Variants in TENM3 observed in about 807,000 individuals in gnomAD.
TENM3 encodes the protein teneurin-3.
In TENM3, 63 loss-of-function variants were observed where a neutral mutation model predicts 255.1. The ratio of observed to expected loss-of-function variants is 0.25; its 90% CI spans 0.20 to 0.30. TENM3 has a LOEUF of 0.30. TENM3 is among the 10% of genes least tolerant of loss of function. The pLI, the probability that TENM3 is intolerant of heterozygous loss-of-function variation, is 1.00. For missense variants in TENM3, 2,929 were observed against 3,461.1 expected, an observed-to-expected ratio of 0.85 and a Z score of 3.86; for synonymous variants, 1,306 against 1,322.3, an observed-to-expected ratio of 0.99 and a Z score of 0.27.
intron 1 of TENM3, among the ~76,000 whole-genome samples, chr4:182,193,914 G>T (rs1383794532): frequency 2.0e-5 from 3 of 152,158 alleles, no homozygotes; most frequent in East Asian, 3.8e-4. Context: ...TTTCAGAATG[G>T]TTTTCAGAGT....
At chr4:181,627,132 C>G in the TENM3 span, among the ~76,000 whole-genome samples, 2 of 152,170 alleles carry the variant, frequency 1.3e-5, no homozygotes, top group Non-Finnish European at 2.9e-5. Flanking sequence ...CATTCCTAAT[C>G]TTCTAAGGCA....
intron 3 of TENM3, among the ~76,000 whole-genome samples, chr4:182,375,595 G>A (rs1767125048): frequency 6.6e-6 from 1 of 152,124 alleles, no homozygotes; most frequent in Non-Finnish European, 1.5e-5. Context: ...AGGCTGGAGT[G>A]CAGTGGCGCA....
At chr4:181,630,782 T>C in the TENM3 span, among the ~76,000 whole-genome samples, 5 of 152,128 alleles carry the variant, frequency 3.3e-5, no homozygotes, top group Non-Finnish European at 5.9e-5. Flanking sequence ...TTAGAATAAG[T>C]GTGATGTGGT....
chr4:182,392,757 A>G (rs1768526222), intron 3 of TENM3, among the ~76,000 whole-genome samples: 1 of 152,190 alleles, frequency 6.6e-6, no homozygotes, highest in Non-Finnish European at 1.5e-5. Context: ...CGCCACACAA[A>G]TCAAGAGGGA....
At chr4:181,622,436 G>T in the TENM3 span, among the ~76,000 whole-genome samples, 1 of 152,162 alleles carries the variant, frequency 6.6e-6, no homozygotes, top group Non-Finnish European at 1.5e-5. Context: ...AGCACTTTGG[G>T]AGGCTGAGGC....
chr4:182,358,983 G>C (rs974438848), intron 3 of TENM3, among the ~76,000 whole-genome samples: 2 of 151,732 alleles, frequency 1.3e-5, no homozygotes, highest in Non-Finnish European at 2.9e-5. Flanking sequence ...TAATCATGTG[G>C]TTTTTGTCTT....
At chr4:181,813,270 G>C in the TENM3 span, among the ~76,000 whole-genome samples, 1 of 152,138 alleles carries the variant, frequency 6.6e-6, no homozygotes, top group Non-Finnish European at 1.5e-5. Flanking sequence ...GTGGGGAAGA[G>C]AGTGGGAAGC....
intron 22 of TENM3, among the ~76,000 whole-genome samples, chr4:182,770,323 C>A (rs926177766): frequency 1.3e-5 from 2 of 152,214 alleles, no homozygotes; most frequent in African/African-American, 4.8e-5. Context: ...CTCGTTAAAA[C>A]CCCGCTTTCT....
intron 3 of TENM3, among the ~76,000 whole-genome samples, chr4:182,454,558 G>A (rs970349892): frequency 3.9e-5 from 6 of 152,116 alleles, no homozygotes; most frequent in Non-Finnish European, 8.8e-5. Flanking sequence ...CTCGATTTTA[G>A]CAGTGGGAAT....
At chr4:181,978,247 C>A in the TENM3 span, among the ~76,000 whole-genome samples, 2 of 152,198 alleles carry the variant, frequency 1.3e-5, no homozygotes, top group Non-Finnish European at 2.9e-5. Flanking sequence ...AACCGAGGCA[C>A]AGAGAAACCC....
intron 19 of TENM3, 58 bp downstream of exon 19, chr4:182,743,477 A>G (rs2152735319): frequency 1.9e-6 from 3 of 1,579,794 alleles, no homozygotes; most frequent in Non-Finnish European, 2.6e-6. Flanking sequence ...CTTTAAAAAA[A>G]AGGTTGAGTC....
At chr4:181,942,770 GA>G in the TENM3 span, among the ~76,000 whole-genome samples, 67 of 152,134 alleles carry the variant, frequency 4.4e-4, no homozygotes, top group South Asian at 0.011. Flanking sequence ...AGGGAGAATG[GA>G]AAAAAATATT....
chr4:182,583,973 G>A lies in TENM3; in HGVS notation c.512-16951G>A, dbSNP rs943952642. ...AATATATTCAAGACAGTGTGCAAAT[G>A]TGAATGCAACAGATTCCAAATAGAT... On this transcript the variant is annotated intron_variant, in intron 3 of 27. Transcript: ENST00000511685. Among the ~76,000 whole-genome samples, 4 of 152,278 alleles carry A rather than the reference G, an allele frequency of 2.6e-5. No individual in the cohort carries two copies. In the South Asian group the frequency reaches 6.2e-4, roughly 24 times the overall value.
At chr4:182,003,765 T>C in the TENM3 span, among the ~76,000 whole-genome samples, 20 of 152,174 alleles carry the variant, frequency 1.3e-4, no homozygotes, top group Admixed American at 7.9e-4. Flanking sequence ...CAGCCTACAC[T>C]CTTTTCTTGC....
chr4:181,971,000 T>C, the TENM3 span, among the ~76,000 whole-genome samples: 1 of 152,078 alleles, frequency 6.6e-6, no homozygotes, highest in Non-Finnish European at 1.5e-5. Flanking sequence ...CAGGCTGGAG[T>C]GCAGTGGTGC....
the TENM3 span, among the ~76,000 whole-genome samples, chr4:181,721,168 G>C: frequency 6.6e-6 from 1 of 151,970 alleles, no homozygotes. Context: ...AGAGAGGCAA[G>C]AAGATATGTA....
chr4:182,142,784 G>C (rs906875912), upstream of TENM3: 4 of 164,530 alleles, frequency 2.4e-5, no homozygotes, highest in Non-Finnish European at 5.9e-5. Flanking sequence ...GCTCGGGCGC[G>C]CACCAGGGAG....
chr4:181,984,066 AC>A, the TENM3 span, among the ~76,000 whole-genome samples: 3 of 151,590 alleles, frequency 2.0e-5, no homozygotes, highest in African/African-American at 7.3e-5. Context: ...TCATTCTTCT[AC>A]CCCCACTTCC....
chr4:182,574,320 A>G (rs1744708078), intron 3 of TENM3, among the ~76,000 whole-genome samples: 1 of 152,030 alleles, frequency 6.6e-6, no homozygotes, highest in South Asian at 2.1e-4. Context: ...TTATTCACTA[A>G]TTTATTCTCC....
Sources: allele counts gnomAD v4.1 joint callset (sites outside exome capture counted in the v4.1 genomes callset), GRCh38; gene constraint gnomAD v4.1.1; transcripts MANE v1.5; gene names NCBI Gene and HGNC (gene_info 2026-07-23, HGNC 2026-07-21).